Variants in SATB2 observed in about 807,000 individuals in gnomAD.
The protein encoded by SATB2 is SATB homeobox 2.
Under a neutral mutation model 73.4 loss-of-function variants are expected in SATB2, and 1 was observed. That is an observed-to-expected ratio of 0.01 (90% CI 0.00 to 0.06). The LOEUF is 0.06. SATB2 is among the 10% of genes least tolerant of loss of function. The pLI is 1.00. For missense variants in SATB2, 459 were observed against 945.8 expected (o/e 0.49, Z 6.75); for synonymous variants, 397 against 367.0 (o/e 1.08, Z -0.93).
At chr2:199,325,564 C>G (rs1369641352) in intron 8 of SATB2, 2 of 152,168 alleles carry the variant, frequency 1.3e-5, no homozygotes, top group East Asian at 3.8e-4. Context: ...CTCAAAATTT[C>G]TAGTTAACCC....
At chr2:199,316,422 T>C (rs1195866777) in intron 9 of SATB2, among the ~76,000 whole-genome samples, 1 of 152,108 alleles carries the variant, frequency 6.6e-6, no homozygotes, top group East Asian at 1.9e-4. Context: ...TGCTGGCTAT[T>C]TGGTTAAAGT....
chr2:199,458,937 G>A (rs1228018130), upstream of SATB2, among the ~76,000 whole-genome samples: 1 of 152,074 alleles, frequency 6.6e-6, no homozygotes, highest in African/African-American at 2.4e-5. Flanking sequence ...AACAATAGTC[G>A]GGGTGTCCCG....
At chr2:199,330,757 T>G in intron 7 of SATB2, among the ~76,000 whole-genome samples, 1 of 152,306 alleles carries the variant, frequency 6.6e-6, no homozygotes, top group East Asian at 1.9e-4. Flanking sequence ...CAAATGAATA[T>G]GCAGAGAAGC....
At chr2:199,397,764 C>G (rs1221583006) in intron 3 of SATB2, 4 of 422,534 alleles carry the variant, frequency 9.5e-6, no homozygotes, top group Non-Finnish European at 1.9e-5. Context: ...TGGCGTGCTG[C>G]TGGATTTCCA....
At chr2:199,294,691 G>T (rs1692972731) in intron 10 of SATB2, among the ~76,000 whole-genome samples, 1 of 151,986 alleles carries the variant, frequency 6.6e-6, no homozygotes, top group Admixed American at 6.6e-5. Flanking sequence ...CTATTGACCT[G>T]CATTGTCAAA....
intron 3 of SATB2, among the ~76,000 whole-genome samples, chr2:199,402,686 T>C (rs1258277091): frequency 6.6e-6 from 1 of 152,260 alleles, no homozygotes; most frequent in Non-Finnish European, 1.5e-5. Context: ...AGCAGAGTGG[T>C]AGGTACAAAG....
rs140560466 is a variant in SATB2, at chr2:199,371,992, G to A, written c.598-3285C>T. On this transcript the variant is annotated intron_variant, in intron 5 of 10. Transcript: ENST00000417098. Reference sequence around the variant, plus strand: ...GGGTACACGTATAATGGGCAACTGCGGCAGTCCCCACTCAGATACCGAGAC... The same window carrying A: ...GGGTACACGTATAATGGGCAACTGCAGCAGTCCCCACTCAGATACCGAGAC... Among the ~76,000 whole-genome samples the A allele has an allele frequency of 5.3e-5, 8 of 152,068 alleles. No individual in the cohort carries two copies. The East Asian group carries it at 5.8e-4, about 11-fold the overall frequency.
chr2:199,412,174 T>C (rs2105904301), intron 3 of SATB2, among the ~76,000 whole-genome samples: 1 of 152,122 alleles, frequency 6.6e-6, no homozygotes, highest in East Asian at 1.9e-4. Context: ...TTGAAGCAAA[T>C]GAGAGCTAGA....
At position 199,384,859 on chromosome 2, in the gene SATB2, T is replaced by C. The variant is rs546513304; in HGVS notation, c.347-3039A>G. 9.1e-4 allele frequency among the ~76,000 whole-genome samples: 138 copies of C among 152,352 alleles called. 1 individual carries two copies. Among genetic ancestry groups the C allele is most frequent in the Non-Finnish European group, 2.1e-4 (14 of 68,026 alleles). On this transcript the variant is annotated intron_variant, in intron 3 of 10. Transcript: ENST00000417098. The stretch of plus-strand genomic sequence containing the variant: ...TGAATATAATTTAATCTCAAAAATT[T>C]AGTCATTCTTTTGACCTTTTTAATG...
At chr2:199,282,678 C>T (rs916872142) in intron 10 of SATB2, among the ~76,000 whole-genome samples, 7 of 152,136 alleles carry the variant, frequency 4.6e-5, no homozygotes, top group Non-Finnish European at 8.8e-5. Context: ...TATTACAAAA[C>T]GTGAGGAGTA....
rs551402016 is a variant in SATB2, at chr2:199,429,413, T to G, written c.346+3925A>C. Among the ~76,000 whole-genome samples the G allele has an allele frequency of 2.3e-3, 347 of 152,362 alleles. 2 individuals carry two copies. Among genetic ancestry groups the G allele is most frequent in the Non-Finnish European group, 3.7e-3 (251 of 68,032 alleles). ...ATCACTGAGAATGTACTTGGCACCC[T>G]GCTTGATTCACATAACATTTATTAA... On this transcript the variant is annotated intron_variant, in intron 3 of 10. Coordinates refer to ENST00000417098, the MANE Select transcript of SATB2 (RefSeq NM_001172509.2).
chr2:199,323,729 T>C lies in SATB2; in HGVS notation c.1542+74A>G, dbSNP rs552916524. The C allele has an allele frequency of 1.2e-3, 1,647 of 1,367,816 alleles. 3 individuals carry two copies. The highest frequency in any genetic ancestry group is 1.6e-3 in the Non-Finnish European group (1,509 of 956,812). The allele number at this position is 1,367,816 out of a possible 1,614,324, so 84.7% of individuals were successfully genotyped here. On this transcript the variant is annotated intron_variant, in intron 9 of 10. Coordinates refer to ENST00000417098, the MANE Select transcript of SATB2 (RefSeq NM_001172509.2). Reference sequence around the variant, plus strand: ...CTGTTATTATTATTATAGGAACAGATGTATTTTTATTGGTGGAGGAAGGAG... The same window carrying C: ...CTGTTATTATTATTATAGGAACAGACGTATTTTTATTGGTGGAGGAAGGAG...
intron 10 of SATB2, among the ~76,000 whole-genome samples, chr2:199,284,994 T>A (rs1481770798): frequency 6.6e-6 from 1 of 152,126 alleles, no homozygotes; most frequent in Admixed American, 6.5e-5. Flanking sequence ...GGCTTGAGCA[T>A]CCATGAATTT....
intron 3 of SATB2, among the ~76,000 whole-genome samples, chr2:199,422,250 T>C (rs1277695954): frequency 6.6e-6 from 1 of 151,722 alleles, no homozygotes; most frequent in African/African-American, 2.4e-5. Context: ...TTTTTATCTC[T>C]AGAATGGTTG....
At chr2:199,453,723 C>G (rs1199237077) in intron 2 of SATB2, among the ~76,000 whole-genome samples, 1 of 151,950 alleles carries the variant, frequency 6.6e-6, no homozygotes, top group Non-Finnish European at 1.5e-5. Context: ...TGTTAACATT[C>G]AATTAGAAAC....
At chr2:199,384,699 C>A (rs887934459) in intron 3 of SATB2, among the ~76,000 whole-genome samples, 5 of 152,164 alleles carry the variant, frequency 3.3e-5, no homozygotes, top group Admixed American at 1.3e-4. Flanking sequence ...GCTCTGTCAC[C>A]TACTAATTAT....
chr2:199,314,405 G>T (rs1218302125), intron 9 of SATB2, among the ~76,000 whole-genome samples: 1 of 152,110 alleles, frequency 6.6e-6, no homozygotes, highest in Non-Finnish European at 1.5e-5. Flanking sequence ...TCTAAGGTTT[G>T]TTTCCCTATC....
chr2:199,371,792 A>G (rs1233599784), intron 5 of SATB2, among the ~76,000 whole-genome samples: 1 of 152,220 alleles, frequency 6.6e-6, no homozygotes, highest in Non-Finnish European at 1.5e-5. Context: ...CAACTCGAGT[A>G]TCTCTGTTTA....
intron 7 of SATB2, 45 bp downstream of exon 7, chr2:199,348,656 G>A (rs1225126683): frequency 1.6e-5 from 22 of 1,380,202 alleles, no homozygotes; most frequent in Non-Finnish European, 2.1e-5. Context: ...TCTCAATTCT[G>A]TCCCCAGTAT....
Sources: gnomAD v4.1 joint callset for allele counts (sites outside exome capture counted in the v4.1 genomes callset) on GRCh38, gnomAD v4.1.1 for gene constraint, MANE v1.5 for transcripts, NCBI Gene and HGNC (gene_info 2026-07-23, HGNC 2026-07-21) for gene names.